The following TTC7B variants were observed in gnomAD, a reference collection of about 807,000 sequenced individuals.
The protein encoded by TTC7B is tetratricopeptide repeat domain 7B.
A neutral mutation model predicts 106.8 loss-of-function variants in TTC7B; 28 were observed. The observed-to-expected ratio is 0.26, with a 90% CI of 0.19 to 0.36. TTC7B has a LOEUF of 0.36. Ranked by LOEUF, TTC7B falls within the 10% of genes least tolerant of loss-of-function variation. The pLI is 1.00. For missense variants in TTC7B, 862 were observed against 1,076.4 expected (o/e 0.80, Z 2.79); for synonymous variants, 405 against 430.6 (o/e 0.94, Z 0.74).
chr14:90,695,854 A>G (rs1442694398), intron 5 of TTC7B, among the ~76,000 whole-genome samples: 1 of 152,166 alleles, frequency 6.6e-6, no homozygotes, highest in Non-Finnish European at 1.5e-5. Flanking sequence ...GATACCTTAG[A>G]AGAGTCTGTG....
chr14:90,622,973 T>A lies in TTC7B; in HGVS notation c.1752-4928A>T, dbSNP rs370057333. Among the ~76,000 whole-genome samples, 4 of 152,236 alleles carry A rather than the reference T, an allele frequency of 2.6e-5. No homozygotes were observed. The East Asian group carries it at 5.8e-4, about 22-fold the overall frequency. ...CTCGAGCCGTGGTCAGCTTCCCCCATGTGTCACTCTCCTCCATGACCCTGG... is the reference window on the plus strand; with the variant it reads ...CTCGAGCCGTGGTCAGCTTCCCCCAAGTGTCACTCTCCTCCATGACCCTGG... On this transcript the variant is annotated intron_variant, in intron 15 of 19. Coordinates refer to ENST00000328459, the MANE Select transcript of TTC7B (RefSeq NM_001010854.2).
intron 18 of TTC7B, among the ~76,000 whole-genome samples, chr14:90,589,138 T>C (rs1221693297): frequency 6.6e-6 from 1 of 152,240 alleles, no homozygotes; most frequent in Non-Finnish European, 1.5e-5. Flanking sequence ...AGCACATTGT[T>C]GACTGGAATG....
At chr14:90,776,844 G>A (rs1004152828) in intron 3 of TTC7B, among the ~76,000 whole-genome samples, 1 of 152,302 alleles carries the variant, frequency 6.6e-6, no homozygotes, top group Admixed American at 6.5e-5. Flanking sequence ...CTTCCTAGCT[G>A]TAGGACCCTG....
At chr14:90,700,464 C>A (rs1218556141) in intron 5 of TTC7B, among the ~76,000 whole-genome samples, 1 of 152,010 alleles carries the variant, frequency 6.6e-6, no homozygotes, top group Non-Finnish European at 1.5e-5. Context: ...ACCCACCACT[C>A]CTTGTCTCAA....
intron 14 of TTC7B, among the ~76,000 whole-genome samples, chr14:90,646,047 G>A (rs574729147): frequency 6.6e-6 from 1 of 152,226 alleles, no homozygotes; most frequent in Admixed American, 6.5e-5. Context: ...AAGCCCAGCT[G>A]TGAGCCACAG....
chr14:90,686,174 ATG>A (rs1175821197), intron 7 of TTC7B, among the ~76,000 whole-genome samples: 1 of 152,224 alleles, frequency 6.6e-6, no homozygotes, highest in Non-Finnish European at 1.5e-5. Context: ...GGTTGGCTTA[ATG>A]TGTGAAAATC....
At chr14:90,727,467 G>T (rs1219544678) in intron 5 of TTC7B, among the ~76,000 whole-genome samples, 1 of 152,260 alleles carries the variant, frequency 6.6e-6, no homozygotes, top group Non-Finnish European at 1.5e-5. Flanking sequence ...ACGCTGTGAG[G>T]ACCAGTGACC....
intron 4 of TTC7B, among the ~76,000 whole-genome samples, chr14:90,737,425 A>G (rs1889578280): frequency 6.6e-6 from 1 of 152,188 alleles, no homozygotes; most frequent in African/African-American, 2.4e-5. Flanking sequence ...ACACAATGGC[A>G]CAATTATTTA....
chr14:90,634,526 T>C (rs1884846790), intron 15 of TTC7B, among the ~76,000 whole-genome samples: 1 of 151,910 alleles, frequency 6.6e-6, no homozygotes, highest in Non-Finnish European at 1.5e-5. Flanking sequence ...AATCCCAGTA[T>C]TGTGGGAGGC....
chr14:90,695,845 A>G (rs1722900299), intron 5 of TTC7B, among the ~76,000 whole-genome samples: 1 of 152,210 alleles, frequency 6.6e-6, no homozygotes, highest in Non-Finnish European at 1.5e-5. Flanking sequence ...AAAAAGCAAG[A>G]TACCTTAGAA....
At chr14:90,662,409 C>CAG in intron 9 of TTC7B, among the ~76,000 whole-genome samples, 1 of 152,334 alleles carries the variant, frequency 6.6e-6, no homozygotes, top group African/African-American at 2.4e-5. Context: ...AGTTACTTTT[C>CAG]TGCTTAACAA....
At chr14:90,702,943 C>T (rs1028717231) in intron 5 of TTC7B, among the ~76,000 whole-genome samples, 1 of 152,214 alleles carries the variant, frequency 6.6e-6, no homozygotes, top group African/African-American at 2.4e-5. Context: ...CTCCATCACA[C>T]TTAGCACAGT....
At chr14:90,676,244 G>T (rs201228714) in intron 9 of TTC7B, 1 of 93,218 alleles carries the variant, frequency 1.1e-5, no homozygotes. Context: ...GGTGGAAAGA[G>T]AAACTGCTTG....
intron 5 of TTC7B, among the ~76,000 whole-genome samples, chr14:90,718,711 T>A (rs1484704937): frequency 6.6e-6 from 1 of 151,872 alleles, no homozygotes; most frequent in Non-Finnish European, 1.5e-5. Flanking sequence ...AACTCTCAGA[T>A]AGACATCTAT....
At position 90,627,066 on chromosome 14, in the gene TTC7B, G is replaced by T. The variant is rs148888963; in HGVS notation, c.1752-9021C>A. On this transcript the variant is annotated intron_variant, in intron 15 of 19. Coordinates refer to ENST00000328459, the MANE Select transcript of TTC7B (RefSeq NM_001010854.2). ...CAGTGGCTCGAGGGTCAAGACCCTC[G>T]ACCTTCCAGGGCTTAAGAGATCCTC... 1.7e-3 allele frequency among the ~76,000 whole-genome samples: 251 copies of T among 152,034 alleles called. 1 individual carries two copies. The highest frequency in any genetic ancestry group is 5.6e-3 in the African/African-American group (233 of 41,466).
intron 15 of TTC7B, among the ~76,000 whole-genome samples, chr14:90,639,485 G>A (rs956864116): frequency 6.6e-6 from 1 of 152,208 alleles, no homozygotes; most frequent in African/African-American, 2.4e-5. Context: ...AAACTCACAA[G>A]GTGACATCAT....
chr14:90,658,273 TA>T (rs1566822411), intron 10 of TTC7B, 30 bp downstream of exon 10: 2 of 1,597,590 alleles, frequency 1.3e-6, no homozygotes, highest in Non-Finnish European at 1.7e-6. Flanking sequence ...AGGAAAGGCA[TA>T]AAAAACTGCC....
chr14:90,621,055 A>G (rs1376413399), intron 15 of TTC7B, among the ~76,000 whole-genome samples: 5 of 152,222 alleles, frequency 3.3e-5, no homozygotes, highest in Non-Finnish European at 7.3e-5. Context: ...AAAGCCTGAC[A>G]GCTGCTGCCT....
chr14:90,614,533 G>A (rs971699724), intron 16 of TTC7B, among the ~76,000 whole-genome samples: 1 of 152,236 alleles, frequency 6.6e-6, no homozygotes, highest in Admixed American at 6.5e-5. Context: ...GAAAGAATTG[G>A]TTAACAATAA....
Sources: allele counts gnomAD v4.1 joint callset (sites outside exome capture counted in the v4.1 genomes callset), GRCh38; gene constraint gnomAD v4.1.1; transcripts MANE v1.5; gene names NCBI Gene and HGNC (gene_info 2026-07-23, HGNC 2026-07-21).